Variants in WDR33 observed in about 807,000 individuals in gnomAD.
WDR33 encodes WD repeat domain 33.
WDR33 carries 47 observed loss-of-function variants against 164.9 expected under a neutral mutation model. The observed-to-expected ratio is 0.29, with a 90% confidence interval of 0.23 to 0.36. The LOEUF (loss-of-function observed/expected upper bound fraction) is 0.36. WDR33 is among the 10% of genes least tolerant of loss of function. The pLI, the probability that WDR33 is intolerant of heterozygous loss-of-function variation, is 1.00. For missense variants in WDR33, 1,137 were observed against 1,754.1 expected, an observed-to-expected ratio of 0.65 and a Z score of 6.28; for synonymous variants, 505 against 589.0, an observed-to-expected ratio of 0.86 and a Z score of 2.06.
intron 7 of WDR33, among the ~76,000 whole-genome samples, chr2:127,752,113 T>TA (rs1687383421): frequency 2.0e-5 from 3 of 152,220 alleles, no homozygotes; most frequent in African/African-American, 7.2e-5. Flanking sequence ...ATTCCTACCT[T>TA]ACTGCTGACA....
chr2:127,748,884 TAAAAAAAAAA>T (rs59425653), intron 7 of WDR33, among the ~76,000 whole-genome samples: 1 of 104,988 alleles, frequency 9.5e-6, no homozygotes, highest in South Asian at 2.9e-4. Context: ...AGCTGAAACT[TAAAAAAAAAA>T]AAAAAAAAAA....
chr2:127,746,227 AT>A (rs1177133237), intron 7 of WDR33, among the ~76,000 whole-genome samples: 1 of 152,140 alleles, frequency 6.6e-6, no homozygotes, highest in Non-Finnish European at 1.5e-5. Context: ...AATGTTATCT[AT>A]TTAAATGTGG....
rs538640964 is a variant in WDR33 at position 127,750,356 on chromosome 2, A to G, written c.724+12706T>C. On this transcript the variant is annotated intron_variant, in intron 7 of 21. Coordinates refer to ENST00000322313, the MANE Select transcript of WDR33 (RefSeq NM_018383.5). ...AACAGACTTTTTTTGAGTCAAAAATATAAGGGAAGGCCAGGCACAGTAGCT... is the reference window on the plus strand; with the variant it reads ...AACAGACTTTTTTTGAGTCAAAAATGTAAGGGAAGGCCAGGCACAGTAGCT... Among the ~76,000 whole-genome samples, 5 of 151,996 alleles carry G rather than the reference A, an allele frequency of 3.3e-5. No homozygotes were observed. The East Asian group carries it at 7.8e-4, about 24-fold the overall frequency.
In WDR33 at chr2:127,763,492, A is replaced by C; in HGVS notation, c.627-333T>G. On this transcript the variant is annotated intron_variant, in intron 6 of 21. Transcript: ENST00000322313. The surrounding 1 kb of genome is among the most constrained non-coding windows in gnomAD (Gnocchi z 4.5). ...TGCCTTAAGTGGTGAAAATAAATGG[A>C]TTCTATTTTTGCAGTATTCCTGCAG... The C allele has an allele frequency of 3.7e-6, 4 of 1,067,946 alleles. No individual in the cohort carries two copies. Among genetic ancestry groups the C allele is most frequent in the Non-Finnish European group, 4.5e-6 (4 of 880,630 alleles). 66.2% of individuals were successfully genotyped at this position (1,067,946 alleles called of 1,614,324 possible).
At chr2:127,750,169 C>T (rs1687281780) in intron 7 of WDR33, among the ~76,000 whole-genome samples, 1 of 151,848 alleles carries the variant, frequency 6.6e-6, no homozygotes, top group Admixed American at 6.5e-5. Flanking sequence ...GGACCACAGG[C>T]ACACGCCACC....
chr2:127,773,813 G>A (rs1219867540), intron 1 of WDR33, among the ~76,000 whole-genome samples: 1 of 152,130 alleles, frequency 6.6e-6, no homozygotes, highest in Non-Finnish European at 1.5e-5. Flanking sequence ...GCCCAGGCTG[G>A]AGTGCAGTGG....
At chr2:127,750,795 G>GA (rs1167880907) in intron 7 of WDR33, among the ~76,000 whole-genome samples, 2 of 121,106 alleles carry the variant, frequency 1.7e-5, no homozygotes, top group East Asian at 2.3e-4. Context: ...CACACATATG[G>GA]AAAAAACTAT....
Position 127,738,102 on chromosome 2 carries a change from G to A in WDR33, c.725-11325C>T. ...TGAACTCTTAAATACTGTGCAGGCA[G>A]GTATCTATCACATGAGCCCTGGCAG... On this transcript the variant is annotated intron_variant, in intron 7 of 21. Transcript: ENST00000322313. The surrounding 1 kb of genome is among the most constrained non-coding windows in gnomAD (Gnocchi z 4.4). The A allele has an allele frequency of 6.5e-7, 1 of 1,548,130 alleles. No homozygotes were observed. The highest frequency in any genetic ancestry group is 1.2e-5 in the South Asian group (1 of 81,782).
chr2:127,735,420 T>C lies in WDR33; in HGVS notation c.725-8643A>G, dbSNP rs1429328161. The stretch of plus-strand genomic sequence containing the variant: ...ATAAGTTTTATTTGAAGGTCAGAAA[T>C]GGTGTCCATGTTCCCATTTTATTTT... On this transcript the variant is annotated intron_variant, in intron 7 of 21. Coordinates refer to ENST00000322313, the MANE Select transcript of WDR33 (RefSeq NM_018383.5). This position sits in a 1 kb window ranked among gnomAD's most constrained non-coding sequence, Gnocchi z 4.3. 1.0e-6 allele frequency: 1 copy of C among 985,704 alleles called. No homozygotes were observed. Among genetic ancestry groups the C allele is most frequent in the Non-Finnish European group, 1.2e-6 (1 of 829,922 alleles). The allele number at this position is 985,704 out of a possible 1,614,324, so 61.1% of individuals were successfully genotyped here.
At chr2:127,782,990 C>T (rs1459283518) in intron 1 of WDR33, among the ~76,000 whole-genome samples, 1 of 152,152 alleles carries the variant, frequency 6.6e-6, no homozygotes, top group African/African-American at 2.4e-5. Flanking sequence ...GCCTGGGCAA[C>T]AGAGTGAGAC....
chr2:127,711,780 A>ATATATATATATATATATTTTTTTTTTT, intron 18 of WDR33, among the ~76,000 whole-genome samples: 1 of 88,320 alleles, frequency 1.1e-5, no homozygotes, highest in Non-Finnish European at 2.0e-5. Flanking sequence ...ATATATATAT[A>ATATATATATATATATATTTTTTTTTTT]TTTTTTTTTT....
chr2:127,704,005 C>A lies in WDR33; in HGVS notation c.*2318G>T. On this transcript the variant is annotated 3_prime_UTR_variant, in exon 22 of 22. Coordinates refer to ENST00000322313, the MANE Select transcript of WDR33 (RefSeq NM_018383.5). The stretch of plus-strand genomic sequence containing the variant: ...ATATGGTGGCACACAACTGTGATCC[C>A]AGCTACTTGGGGTGGGGCTGAGGTG... 6.0e-6 allele frequency: 1 copy of A among 166,684 alleles called. No homozygotes were observed. 10.3% of individuals were successfully genotyped at this position (166,684 alleles called of 1,614,324 possible).
At chr2:127,795,001 AT>A in intron 1 of WDR33, among the ~76,000 whole-genome samples, 1 of 152,030 alleles carries the variant, frequency 6.6e-6, no homozygotes, top group Non-Finnish European at 1.5e-5. Context: ...AAACATAAAA[AT>A]AAAATACTTT....
chr2:127,788,476 A>C (rs1573463569), intron 1 of WDR33, among the ~76,000 whole-genome samples: 1 of 104,738 alleles, frequency 9.5e-6, no homozygotes, highest in Admixed American at 9.3e-5. Context: ...CGGGGGGCTG[A>C]CACCCCCACC....
At chr2:127,757,077 C>CAAAA (rs11381814) in intron 7 of WDR33, among the ~76,000 whole-genome samples, 5 of 85,096 alleles carry the variant, frequency 5.9e-5, no homozygotes, top group South Asian at 3.8e-4. Context: ...AACCTGTCTC[C>CAAAA]AAAAAAAAAA....
rs972561954 is a variant in WDR33 at position 127,706,251 on chromosome 2, T to C, written c.*72A>G. 3.7e-6 allele frequency: 5 copies of C among 1,366,096 alleles called. No individual in the cohort carries two copies. The South Asian group carries it at 5.0e-5, about 14-fold the overall frequency. 84.6% of individuals were successfully genotyped at this position (1,366,096 alleles called of 1,614,324 possible). On this transcript the variant is annotated 3_prime_UTR_variant, in exon 22 of 22. Transcript: ENST00000322313. This position sits in a 1 kb window ranked among gnomAD's most constrained non-coding sequence, Gnocchi z 5.1. ...CTACAATGGTGCAGGCTTCCTTTTGTTTCTCTTGGTGAGTCCACAAGAAGT... is the reference window on the plus strand; with the variant it reads ...CTACAATGGTGCAGGCTTCCTTTTGCTTCTCTTGGTGAGTCCACAAGAAGT...
intron 1 of WDR33, among the ~76,000 whole-genome samples, chr2:127,803,204 T>C (rs1456509540): frequency 6.6e-6 from 1 of 152,176 alleles, no homozygotes; most frequent in African/African-American, 2.4e-5. Context: ...GGGTTATTGT[T>C]AGTAAAATAC....
At chr2:127,800,201 C>A (rs376982769) in intron 1 of WDR33, among the ~76,000 whole-genome samples, 2 of 152,184 alleles carry the variant, frequency 1.3e-5, no homozygotes, top group African/African-American at 4.8e-5. Context: ...AATATTTGTA[C>A]GTGAATGTTT....
chr2:127,726,740 T>C lies in WDR33; in HGVS notation c.762A>G (p.Pro254=). ...TTCCTGAAACAACTAACCCTTTGGT[T>C]GGATGCCAGTCTACACATTTCACAT... ...GADVKCVDWH[P]TKGLVVSGSK... The change falls in exon 8 of 22, where the codon CCA becomes CCG. Residue 254 remains proline, a synonymous_variant. Transcript: ENST00000322313. This position sits in a 1 kb window ranked among gnomAD's most constrained non-coding sequence, Gnocchi z 4.8. The C allele has an allele frequency of 6.2e-7, 1 of 1,614,186 alleles. No homozygotes were observed.
Sources: gnomAD v4.1 joint callset for allele counts (sites outside exome capture counted in the v4.1 genomes callset) on GRCh38, gnomAD v4.1.1 for gene constraint, Gnocchi (gnomAD v3.1) non-coding constraint, MANE v1.5 for transcripts, NCBI Gene and HGNC (gene_info 2026-07-23, HGNC 2026-07-21) for gene names.